PIBF1: variants seen among roughly 807,000 people sequenced by gnomAD.
The protein encoded by PIBF1 is progesterone-induced-blocking factor 1.
Under a neutral mutation model 112.5 loss-of-function variants are expected in PIBF1, and 90 were observed. That is an observed-to-expected ratio of 0.80 (90% CI 0.67 to 0.95). PIBF1 has a LOEUF of 0.95. PIBF1 is among the 40% of genes least tolerant of loss of function. The probability of loss-of-function intolerance (pLI) is 0.00; values close to 1 mark genes in which losing one functional copy is unlikely to be tolerated. For missense variants in PIBF1, 915 were observed against 852.3 expected (o/e 1.07, Z -0.92); for synonymous variants, 301 against 288.6 (o/e 1.04, Z -0.44).
At chr13:72,907,380 T>C (rs1169317806) in intron 11 of PIBF1, among the ~76,000 whole-genome samples, 1 of 152,154 alleles carries the variant, frequency 6.6e-6, no homozygotes, top group Non-Finnish European at 1.5e-5. Flanking sequence ...AGAAAATAGT[T>C]GTCTTTAAAA....
intron 14 of PIBF1, among the ~76,000 whole-genome samples, chr13:72,943,985 T>C (rs1456087574): frequency 6.6e-6 from 1 of 152,242 alleles, no homozygotes; most frequent in African/African-American, 2.4e-5. Flanking sequence ...TGGCATATGT[T>C]AATCACTCGG....
chr13:72,916,397 A>AT lies in PIBF1; in HGVS notation c.1640-679_1640-678insT, dbSNP rs1566443966. Among the ~76,000 whole-genome samples the AT allele has an allele frequency of 3.8e-4, 52 of 138,176 alleles. No individual in the cohort carries two copies. The South Asian group carries it at 4.6e-3, about 12-fold the overall frequency. The allele number at this position is 138,176 out of a possible 152,430, so 90.6% of individuals were successfully genotyped here. On this transcript the variant is annotated intron_variant, in intron 12 of 17. Coordinates refer to ENST00000326291, the MANE Select transcript of PIBF1 (RefSeq NM_006346.4). ...ACAAGAGCGAAACTCCATCTCAAAA[A>AT]ATATATATATATATATATTTTTTTA...
intron 13 of PIBF1, among the ~76,000 whole-genome samples, chr13:72,922,935 G>A (rs894088791): frequency 6.6e-6 from 1 of 152,164 alleles, no homozygotes; most frequent in African/African-American, 2.4e-5. Flanking sequence ...TTAGTCCTTA[G>A]TCATTTCCAG....
chr13:72,875,383 G>A (rs12871986), intron 10 of PIBF1, among the ~76,000 whole-genome samples: 5,706 of 152,200 alleles, frequency 0.037, 158 homozygotes, highest in Middle Eastern at 0.092. Context: ...AGTTGTTTGG[G>A]TAGATAAGTG....
intron 15 of PIBF1, among the ~76,000 whole-genome samples, chr13:72,972,044 AT>A: frequency 7.5e-6 from 1 of 133,640 alleles, no homozygotes; most frequent in Non-Finnish European, 1.5e-5. Flanking sequence ...TTATTTATTT[AT>A]TTATTTTTTG....
intron 5 of PIBF1, among the ~76,000 whole-genome samples, chr13:72,816,799 A>C (rs998685295): frequency 6.6e-6 from 1 of 151,652 alleles, no homozygotes; most frequent in African/African-American, 2.4e-5. Flanking sequence ...TTTTGTTTTA[A>C]TGCATAGCAG....
chr13:72,863,507 AATT>A (rs1262462723), intron 10 of PIBF1, among the ~76,000 whole-genome samples: 19 of 151,752 alleles, frequency 1.3e-4, no homozygotes, highest in Non-Finnish European at 2.5e-4. Context: ...AAAAAAAAAA[AATT>A]ATCCAGGCGT....
At chr13:72,931,315 A>C (rs2041690599) in intron 14 of PIBF1, 48 bp downstream of exon 14, 2 of 1,123,934 alleles carry the variant, frequency 1.8e-6, no homozygotes, top group Non-Finnish European at 2.7e-6. Context: ...TATTCATTTT[A>C]ATTGTTTGTA....
intron 10 of PIBF1, among the ~76,000 whole-genome samples, chr13:72,890,134 A>G (rs1255440952): frequency 2.0e-5 from 3 of 152,264 alleles, no homozygotes; most frequent in African/African-American, 2.4e-5. Context: ...AAGACTGCCA[A>G]TGTAAATTTT....
intron 5 of PIBF1, among the ~76,000 whole-genome samples, chr13:72,817,779 A>G (rs768327480): frequency 4.6e-5 from 7 of 152,176 alleles, no homozygotes; most frequent in Non-Finnish European, 7.4e-5. Flanking sequence ...TCTACTCTCT[A>G]TAGCTTTAAC....
chr13:72,878,923 G>A (rs990856295), intron 10 of PIBF1, among the ~76,000 whole-genome samples: 2 of 152,048 alleles, frequency 1.3e-5, no homozygotes, highest in Non-Finnish European at 2.9e-5. Flanking sequence ...ATTAATGCAA[G>A]CTACTCCCAG....
chr13:72,865,353 G>A (rs932482796), intron 10 of PIBF1, among the ~76,000 whole-genome samples: 8 of 152,086 alleles, frequency 5.3e-5, no homozygotes, highest in African/African-American at 1.9e-4. Context: ...CACAGTTCTG[G>A]CCGTTTGACT....
At chr13:72,836,237 A>T in intron 9 of PIBF1, 2 of 356,150 alleles carry the variant, frequency 5.6e-6, no homozygotes, top group Non-Finnish European at 1.1e-5. Flanking sequence ...AGATATTTTT[A>T]TACCGTTATT....
chr13:72,981,261 A>T (rs913158111), intron 16 of PIBF1, among the ~76,000 whole-genome samples: 1 of 150,922 alleles, frequency 6.6e-6, no homozygotes, highest in African/African-American at 2.4e-5. Flanking sequence ...CAAAAAAAAT[A>T]AAATAAAATA....
chr13:72,876,249 T>C (rs1464429988), intron 10 of PIBF1, among the ~76,000 whole-genome samples: 1 of 150,156 alleles, frequency 6.7e-6, no homozygotes, highest in African/African-American at 2.4e-5. Flanking sequence ...CAGTTGACTG[T>C]GCGGGTCTAT....
chr13:72,798,704 A>G (rs953664480), intron 5 of PIBF1, among the ~76,000 whole-genome samples: 1 of 152,162 alleles, frequency 6.6e-6, no homozygotes, highest in Non-Finnish European at 1.5e-5. Flanking sequence ...GTTATAGTCT[A>G]CTAACAAAAA....
intron 16 of PIBF1, among the ~76,000 whole-genome samples, chr13:72,986,857 A>AT (rs1336264874): frequency 6.7e-6 from 1 of 150,304 alleles, no homozygotes; most frequent in South Asian, 2.1e-4. Flanking sequence ...CGCCCGGCTA[A>AT]TTTTTTTGTA....
At chr13:72,897,131 T>C (rs563547403) in intron 11 of PIBF1, among the ~76,000 whole-genome samples, 2 of 152,314 alleles carry the variant, frequency 1.3e-5, no homozygotes, top group South Asian at 4.1e-4. Flanking sequence ...CTAGAAAGGA[T>C]TGGGGATCCC....
intron 10 of PIBF1, 62 bp downstream of exon 10, chr13:72,854,217 T>A: frequency 9.5e-7 from 1 of 1,047,496 alleles, no homozygotes; most frequent in Non-Finnish European, 1.5e-6. Flanking sequence ...TACATATTCT[T>A]TTAGAAAATG....
Sources: allele counts gnomAD v4.1 joint callset (sites outside exome capture counted in the v4.1 genomes callset), GRCh38; gene constraint gnomAD v4.1.1; transcripts MANE v1.5; gene names NCBI Gene and HGNC (gene_info 2026-07-23, HGNC 2026-07-21).